Variants in ARRB1 observed in about 807,000 individuals in gnomAD.
ARRB1 encodes beta-arrestin-1.
A neutral mutation model predicts 56.8 loss-of-function variants in ARRB1; 21 were observed. The ratio of observed to expected loss-of-function variants is 0.37; its 90% confidence interval spans 0.26 to 0.53. The LOEUF (loss-of-function observed/expected upper bound fraction) is 0.53. ARRB1 is among the 20% of genes least tolerant of loss of function. The pLI is 0.88. For synonymous variants in ARRB1, 210 were observed against 218.6 expected (o/e 0.96, Z 0.35); for missense variants, 424 against 553.7 (o/e 0.77, Z 2.35).
At chr11:75,267,543 G>T in intron 15 of ARRB1, 109 bp downstream of exon 15, 1 of 1,165,444 alleles carries the variant, frequency 8.6e-7, no homozygotes, top group Non-Finnish European at 1.2e-6. Flanking sequence ...AGCAGACGGG[G>T]TTAGACCAGC....
rs1826342243 is a variant in ARRB1 at position 75,263,604 on chromosome 11, C to A, written c.*2559G>T. 6.6e-6 allele frequency among the ~76,000 whole-genome samples: 1 copy of A among 152,234 alleles called. No individual in the cohort carries two copies. The highest frequency in any genetic ancestry group is 2.4e-5 in the African/African-American group (1 of 41,464). ...CCTACAACGTTTCCCTGACCATGGG[C>A]TTCCTGAGGACAGGGGCTGGGACTG... On this transcript the variant is annotated 3_prime_UTR_variant, in exon 16 of 16. Transcript: ENST00000420843.
At chr11:75,349,840 C>G (rs539256706) in intron 1 of ARRB1, among the ~76,000 whole-genome samples, 85 of 152,340 alleles carry the variant, frequency 5.6e-4, no homozygotes, top group Middle Eastern at 3.4e-3. Context: ...GCCGTCCCCC[C>G]CAAAGCCTGG....
intron 15 of ARRB1, 152 bp downstream of exon 15, chr11:75,267,500 G>C: frequency 2.8e-6 from 2 of 718,044 alleles, no homozygotes; most frequent in Non-Finnish European, 4.7e-6. Flanking sequence ...GCAGGCAAGC[G>C]GGTTGCTGAA....
intron 1 of ARRB1, among the ~76,000 whole-genome samples, chr11:75,322,843 G>A (rs562045102): frequency 7.9e-5 from 12 of 152,264 alleles, no homozygotes; most frequent in African/African-American, 2.6e-4. Context: ...TAGATCTGCC[G>A]TTTATTAGAT....
intron 6 of ARRB1, chr11:75,281,674 A>G (rs576716429): frequency 4.6e-6 from 2 of 431,542 alleles, no homozygotes; most frequent in African/African-American, 4.0e-5. Flanking sequence ...CAGGGGTTAC[A>G]TGAGGCCAGG....
intron 1 of ARRB1, among the ~76,000 whole-genome samples, chr11:75,323,343 G>A (rs1402181001): frequency 6.6e-6 from 1 of 152,260 alleles, no homozygotes; most frequent in South Asian, 2.1e-4. Context: ...GAGGGGCCGG[G>A]CGTGGTGGCT....
At chr11:75,284,869 C>T (rs1946435165) in intron 3 of ARRB1, among the ~76,000 whole-genome samples, 2 of 151,930 alleles carry the variant, frequency 1.3e-5, no homozygotes, top group South Asian at 4.2e-4. Context: ...TCCCACTGCA[C>T]TCCAGCCTGG....
At chr11:75,282,975 T>C (rs764401793) in intron 5 of ARRB1, among the ~76,000 whole-genome samples, 1 of 152,216 alleles carries the variant, frequency 6.6e-6, no homozygotes, top group Non-Finnish European at 1.5e-5. Flanking sequence ...GGGAAACCCC[T>C]TGCAGTGATG....
intron 11 of ARRB1, 120 bp from the exon 12 acceptor site, chr11:75,273,098 C>T (rs1240055915): frequency 7.4e-6 from 6 of 805,684 alleles, no homozygotes; most frequent in East Asian, 2.7e-5. Context: ...CACTCAGCTA[C>T]CATGTCCAAT....
intron 1 of ARRB1, among the ~76,000 whole-genome samples, chr11:75,339,953 C>T (rs1485389682): frequency 6.6e-6 from 1 of 152,208 alleles, no homozygotes; most frequent in East Asian, 1.9e-4. Context: ...CACCCAGAAC[C>T]TGGGAAGGCC....
intron 1 of ARRB1, among the ~76,000 whole-genome samples, chr11:75,331,509 G>A (rs1040038992): frequency 6.6e-5 from 10 of 152,116 alleles, no homozygotes; most frequent in African/African-American, 2.4e-4. Context: ...GCCTGTTCCT[G>A]CCTTAACTGA....
chr11:75,288,441 C>T (rs1946532192), intron 2 of ARRB1, among the ~76,000 whole-genome samples: 1 of 152,036 alleles, frequency 6.6e-6, no homozygotes, highest in Admixed American at 6.6e-5. Context: ...GTGTGCTGTT[C>T]CTCAACAACC....
At chr11:75,305,871 C>G (rs990125498) in intron 1 of ARRB1, among the ~76,000 whole-genome samples, 5 of 152,170 alleles carry the variant, frequency 3.3e-5, no homozygotes, top group Admixed American at 1.3e-4. Flanking sequence ...ATATAACCGA[C>G]TAAACATGCA....
rs1945850606 is a variant in ARRB1 at position 75,263,761 on chromosome 11, G to A, written c.*2402C>T. On this transcript the variant is annotated 3_prime_UTR_variant, in exon 16 of 16. Transcript: ENST00000420843. Reference sequence around the variant, plus strand: ...AGGAGAAAAAAAAAAAAAAAAGATAGTGCTCTGATCCTTCCCTGCAGCTGG... The same window carrying A: ...AGGAGAAAAAAAAAAAAAAAAGATAATGCTCTGATCCTTCCCTGCAGCTGG... Among the ~76,000 whole-genome samples the A allele has an allele frequency of 6.6e-6, 1 of 151,636 alleles. No individual in the cohort carries two copies. Among genetic ancestry groups the A allele is most frequent in the African/African-American group, 2.4e-5 (1 of 41,308 alleles).
intron 1 of ARRB1, chr11:75,311,918 G>T: frequency 1.5e-6 from 1 of 688,796 alleles, no homozygotes; most frequent in Non-Finnish European, 2.2e-6. Flanking sequence ...GGGCCTGTCA[G>T]AAGGGGCTGG....
At chr11:75,280,202 C>A (rs981257759) in intron 7 of ARRB1, among the ~76,000 whole-genome samples, 1 of 152,198 alleles carries the variant, frequency 6.6e-6, no homozygotes, top group Non-Finnish European at 1.5e-5. Context: ...CATCCCACAG[C>A]ACCCTTCCTC....
At chr11:75,266,402 C>T (rs1945914123) in intron 15 of ARRB1, 128 bp from the exon 16 acceptor site, 1 of 717,920 alleles carries the variant, frequency 1.4e-6, no homozygotes, top group Admixed American at 2.2e-5. Flanking sequence ...TCTCTGAGGT[C>T]TCTGGCCTCT....
Position 75,325,862 on chromosome 11 carries a change from G to A in ARRB1, c.20+25726C>T, listed in dbSNP as rs377396910. 1.3e-4 allele frequency among the ~76,000 whole-genome samples: 20 copies of A among 152,228 alleles called. No individual in the cohort carries two copies. In the South Asian group the frequency reaches 2.9e-3, roughly 22 times the overall value. ...CTCTGAGATCCCTTCTGGACCTCAC[G>A]CCCAGGGCTCTCTGGTCTGACCCTG... On this transcript the variant is annotated intron_variant, in intron 1 of 15. Coordinates refer to ENST00000420843, the MANE Select transcript of ARRB1 (RefSeq NM_004041.5).
In ARRB1 at chr11:75,278,104, A is replaced by C. The variant is rs370128647; in HGVS notation, c.618+505T>G. Among the ~76,000 whole-genome samples, 20 of 152,354 alleles carry C rather than the reference A, an allele frequency of 1.3e-4. No homozygotes were observed. The East Asian group carries it at 3.5e-3, about 26-fold the overall frequency. ...ATCTTGCCCCAAGGCACTTCCCTTC[A>C]GCCATGCCCCGAGAGAGAGGGGGTG... On this transcript the variant is annotated intron_variant, in intron 8 of 15. Transcript: ENST00000420843.
Sources: gnomAD v4.1 joint callset for allele counts (sites outside exome capture counted in the v4.1 genomes callset) on GRCh38, gnomAD v4.1.1 for gene constraint, MANE v1.5 for transcripts, NCBI Gene and HGNC (gene_info 2026-07-23, HGNC 2026-07-21) for gene names.